Variants in DSE observed in about 807,000 individuals in gnomAD.
DSE encodes dermatan-sulfate epimerase.
In DSE, 36 loss-of-function variants were observed where a neutral mutation model predicts 84.4. The ratio of observed to expected loss-of-function variants is 0.43; its 90% CI spans 0.33 to 0.56. The LOEUF (loss-of-function observed/expected upper bound fraction) is 0.56. Ranked by LOEUF, DSE falls within the 20% of genes least tolerant of loss-of-function variation. DSE has a pLI of 0.06. For missense variants in DSE, 862 were observed against 1,169.6 expected (o/e 0.74, Z 3.84); for synonymous variants, 410 against 430.1 (o/e 0.95, Z 0.58).
At chr6:116,335,947 C>A (rs73767745) in intron 2 of DSE, among the ~76,000 whole-genome samples, 6,524 of 152,234 alleles carry the variant, frequency 0.043, 481 homozygotes, top group African/African-American at 0.15. Context: ...GCATGAGTGA[C>A]ACTATTTTGG....
intron 1 of DSE, among the ~76,000 whole-genome samples, chr6:116,390,292 C>G (rs1426975346): frequency 6.6e-6 from 1 of 152,158 alleles, no homozygotes; most frequent in Non-Finnish European, 1.5e-5. Context: ...TGGTCTCCAA[C>G]TCCTGGGCTC....
intron 2 of DSE, among the ~76,000 whole-genome samples, chr6:116,274,379 TG>T (rs751253989): frequency 1.3e-5 from 2 of 151,796 alleles, no homozygotes; most frequent in Non-Finnish European, 2.9e-5. Flanking sequence ...GTGACCAACA[TG>T]GAGAAACCCC....
At chr6:116,310,774 T>G (rs542948215) in intron 2 of DSE, among the ~76,000 whole-genome samples, 25 of 152,330 alleles carry the variant, frequency 1.6e-4, no homozygotes, top group African/African-American at 6.0e-4. Context: ...ATCCTCCTCA[T>G]AGTCTCCTCT....
At chr6:116,409,764 G>A (rs1416423469) in intron 2 of DSE, among the ~76,000 whole-genome samples, 1 of 152,194 alleles carries the variant, frequency 6.6e-6, no homozygotes, top group African/African-American at 2.4e-5. Flanking sequence ...GGAAACTACA[G>A]TGTGTAATGG....
At chr6:116,421,464 T>TATATATATATATATATATA (rs57759351) in intron 2 of DSE, among the ~76,000 whole-genome samples, 6 of 39,820 alleles carry the variant, frequency 1.5e-4, no homozygotes, top group African/African-American at 8.3e-4. Flanking sequence ...TATATATATA[T>TATATATATATATATATATA]TTTTTTTTTT....
At chr6:116,302,836 G>T (rs1429002785) in intron 2 of DSE, among the ~76,000 whole-genome samples, 5 of 152,074 alleles carry the variant, frequency 3.3e-5, no homozygotes, top group African/African-American at 1.2e-4. Flanking sequence ...TAAGGAAGGG[G>T]TCCAGTTGCA....
At chr6:116,413,852 G>T (rs116742538) in intron 2 of DSE, among the ~76,000 whole-genome samples, 1,724 of 152,182 alleles carry the variant, frequency 0.011, 43 homozygotes, top group African/African-American at 0.038. Flanking sequence ...CCACCATGAG[G>T]GCAGCAAAAA....
intron 2 of DSE, among the ~76,000 whole-genome samples, chr6:116,270,969 G>A (rs1458298616): frequency 6.6e-6 from 1 of 152,148 alleles, no homozygotes; most frequent in African/African-American, 2.4e-5. Flanking sequence ...AGCATATATG[G>A]AAGTTACTGA....
rs1005901902 is a variant in DSE, at chr6:116,443,781, T to C, written c.*6436T>C. ...ATTCCAAATTAAATAATGAGAAGTGTGTTTAGTATTTATTTAGGAATTCTT... is the reference window on the plus strand; with the variant it reads ...ATTCCAAATTAAATAATGAGAAGTGCGTTTAGTATTTATTTAGGAATTCTT... On this transcript the variant is annotated 3_prime_UTR_variant, in exon 6 of 6. Coordinates refer to ENST00000644252, the MANE Select transcript of DSE (RefSeq NM_013352.4). 5 of 152,236 alleles carry C rather than the reference T, an allele frequency of 3.3e-5. No individual in the cohort carries two copies. Among genetic ancestry groups the C allele is most frequent in the African/African-American group, 1.2e-4 (5 of 41,456 alleles). The allele number at this position is 152,236 out of a possible 1,614,324, so 9.4% of individuals were successfully genotyped here.
At chr6:116,421,464 T>TGTA (rs57759351) in intron 2 of DSE, among the ~76,000 whole-genome samples, 1 of 39,858 alleles carries the variant, frequency 2.5e-5, no homozygotes, top group African/African-American at 1.4e-4. Flanking sequence ...TATATATATA[T>TGTA]TTTTTTTTTT....
intron 2 of DSE, among the ~76,000 whole-genome samples, chr6:116,342,045 G>A (rs1203047490): frequency 6.6e-6 from 1 of 152,164 alleles, no homozygotes; most frequent in Non-Finnish European, 1.5e-5. Context: ...GAAATAGAGT[G>A]AAATAGCTGC....
At chr6:116,260,331 GTTCT>G (rs906736002) in intron 2 of DSE, among the ~76,000 whole-genome samples, 37 of 151,924 alleles carry the variant, frequency 2.4e-4, no homozygotes, top group African/African-American at 8.9e-4. Context: ...TTTTAATAGA[GTTCT>G]TTGTTTTTTC....
chr6:116,313,309 C>T (rs1775793339), intron 2 of DSE, among the ~76,000 whole-genome samples: 1 of 152,200 alleles, frequency 6.6e-6, no homozygotes, highest in African/African-American at 2.4e-5. Flanking sequence ...CAATAAATTC[C>T]TGTTATTTTA....
At chr6:116,420,558 G>T (rs971220796) in intron 2 of DSE, among the ~76,000 whole-genome samples, 1 of 152,174 alleles carries the variant, frequency 6.6e-6, no homozygotes, top group Non-Finnish European at 1.5e-5. Context: ...GACCATGCGG[G>T]CACCCTGATG....
chr6:116,412,049 A>G (rs962215140), intron 2 of DSE, among the ~76,000 whole-genome samples: 1 of 152,216 alleles, frequency 6.6e-6, no homozygotes, highest in Non-Finnish European at 1.5e-5. Context: ...ATTTTTTATG[A>G]TTCACAAAGA....
At chr6:116,283,583 G>T (rs1229029732) in intron 2 of DSE, among the ~76,000 whole-genome samples, 1 of 151,648 alleles carries the variant, frequency 6.6e-6, no homozygotes, top group Non-Finnish European at 1.5e-5. Context: ...TCACTCTGTC[G>T]CCCAGGCTGG....
At chr6:116,373,116 A>G (rs1355551607) in intron 1 of DSE, among the ~76,000 whole-genome samples, 3 of 151,368 alleles carry the variant, frequency 2.0e-5, no homozygotes, top group Non-Finnish European at 4.4e-5. Context: ...GCACTTTGGT[A>G]GGCCGAGGCA....
chr6:116,269,848 A>C (rs1055436074), intron 2 of DSE, among the ~76,000 whole-genome samples: 10 of 152,184 alleles, frequency 6.6e-5, no homozygotes, highest in Non-Finnish European at 1.3e-4. Flanking sequence ...TTTCAAACCA[A>C]GTTTGACCTG....
intron 2 of DSE, among the ~76,000 whole-genome samples, chr6:116,425,998 T>C (rs1783426518): frequency 6.6e-6 from 1 of 152,244 alleles, no homozygotes; most frequent in Non-Finnish European, 1.5e-5. Context: ...GTAAAAATTC[T>C]GAGTTAGAAT....
Sources: gnomAD v4.1 joint callset for allele counts (sites outside exome capture counted in the v4.1 genomes callset) on GRCh38, gnomAD v4.1.1 for gene constraint, MANE v1.5 for transcripts, NCBI Gene and HGNC (gene_info 2026-07-23, HGNC 2026-07-21) for gene names.